The following ERICH1 variants were observed in gnomAD, a reference collection of about 807,000 sequenced individuals.
ERICH1 encodes glutamate-rich protein 1.
ERICH1 carries 56 observed loss-of-function variants against 39.6 expected under a neutral mutation model. That is an observed-to-expected ratio of 1.41 (90% CI 1.14 to 1.77). The LOEUF (loss-of-function observed/expected upper bound fraction) is 1.77. ERICH1 is among the 40% of genes most tolerant of loss of function. The pLI, the probability that ERICH1 is intolerant of heterozygous loss-of-function variation, is 0.00. For synonymous variants in ERICH1, 313 were observed against 223.6 expected (o/e 1.40, Z -3.57); for missense variants, 826 against 575.4 (o/e 1.44, Z -4.45).
At position 652,948 on chromosome 8, in the gene ERICH1, A is replaced by G. The variant is rs566394734; in HGVS notation, c.976+15650T>C. Among the ~76,000 whole-genome samples, 14 of 152,362 alleles carry G rather than the reference A, an allele frequency of 9.2e-5. No individual in the cohort carries two copies. The East Asian group carries it at 2.1e-3, about 23-fold the overall frequency. The stretch of plus-strand genomic sequence containing the variant: ...TATCATATATTTTTACAAACGAGAA[A>G]TAAGTGCTGGAGAGGATGAGGAGGA... On this transcript the variant is annotated intron_variant, in intron 3 of 3. Coordinates refer to the ERICH1 transcript ENST00000522706.
intron 3 of ERICH1, among the ~76,000 whole-genome samples, chr8:685,865 C>G (rs1807216388): frequency 1.3e-5 from 2 of 152,006 alleles, no homozygotes; most frequent in Admixed American, 1.3e-4. Flanking sequence ...CAATAACTGA[C>G]TGGGCACAGT....
chr8:678,000 C>T (rs757007511), intron 3 of ERICH1, among the ~76,000 whole-genome samples: 10 of 152,172 alleles, frequency 6.6e-5, no homozygotes, highest in East Asian at 3.9e-4. Flanking sequence ...CTGTTGAGAT[C>T]GACTGCGCTA....
intron 3 of ERICH1, among the ~76,000 whole-genome samples, chr8:633,247 C>A (rs1407859177): frequency 6.6e-6 from 1 of 152,152 alleles, no homozygotes. Context: ...TTAGAAAACC[C>A]CTCACATTCA....
intron 1 of ERICH1, among the ~76,000 whole-genome samples, chr8:718,152 G>A (rs754015489): frequency 6.6e-6 from 1 of 151,714 alleles, no homozygotes; most frequent in South Asian, 2.1e-4. Context: ...AGATCGGAGC[G>A]CACGGAGAAA....
At chr8:726,322 C>T (rs1185226018) in intron 1 of ERICH1, among the ~76,000 whole-genome samples, 1 of 151,934 alleles carries the variant, frequency 6.6e-6, no homozygotes, top group Admixed American at 6.5e-5. Context: ...CACGCAGACA[C>T]GTGTATGCAG....
intron 2 of ERICH1, among the ~76,000 whole-genome samples, chr8:693,061 G>A (rs929187471): frequency 6.6e-6 from 1 of 151,886 alleles, no homozygotes; most frequent in African/African-American, 2.4e-5. Flanking sequence ...GTGGCTGTGT[G>A]CACACACAGC....
downstream of ERICH1, among the ~76,000 whole-genome samples, chr8:660,619 T>C (rs1364577647): frequency 6.6e-6 from 1 of 152,248 alleles, no homozygotes; most frequent in Non-Finnish European, 1.5e-5. Flanking sequence ...TTCAAGCCAC[T>C]ATGCCTGTGG....
chr8:634,183 A>AACAAACAAAAAACAAAC (rs1554481906), intron 3 of ERICH1, among the ~76,000 whole-genome samples: 10,757 of 134,686 alleles, frequency 0.08, 601 homozygotes, highest in East Asian at 0.23. Context: ...AAAAAAAAAA[A>AACAAACAAAAAACAAAC]AAACAAACAA....
chr8:618,502 G>A (rs561592765), intron 3 of ERICH1, among the ~76,000 whole-genome samples: 3 of 152,348 alleles, frequency 2.0e-5, no homozygotes, highest in African/African-American at 7.2e-5. Flanking sequence ...CCGGAGCAGT[G>A]CATGGCATAA....
At chr8:661,247 G>A (rs560176429), downstream of ERICH1, among the ~76,000 whole-genome samples, 1 of 152,154 alleles carries the variant, frequency 6.6e-6, no homozygotes, top group Admixed American at 6.5e-5. Flanking sequence ...CGGGGCAAGA[G>A]CTGCACAAAA....
At position 635,809 on chromosome 8, in the gene ERICH1, A is replaced by T. The variant is rs192168647; in HGVS notation, c.977-20525T>A. On this transcript the variant is annotated intron_variant, in intron 3 of 3. Coordinates refer to the ERICH1 transcript ENST00000522706. The stretch of plus-strand genomic sequence containing the variant: ...AGTCTGTGGTCCACATGCGTGCTGC[A>T]CCCCACAGCAGGGACGGTTGGCTCA... Among the ~76,000 whole-genome samples the T allele has an allele frequency of 6.0e-4, 91 of 152,260 alleles. 1 individual carries two copies. Among genetic ancestry groups the T allele is most frequent in the African/African-American group, 2.2e-3 (91 of 41,530 alleles).
At chr8:693,525 C>T (rs1340126125) in intron 2 of ERICH1, among the ~76,000 whole-genome samples, 2 of 152,076 alleles carry the variant, frequency 1.3e-5, no homozygotes, top group African/African-American at 2.4e-5. Flanking sequence ...GGAACCTCCC[C>T]GCTGTATGCT....
chr8:701,813 C>T (rs1812213385), intron 2 of ERICH1, among the ~76,000 whole-genome samples: 1 of 152,068 alleles, frequency 6.6e-6, no homozygotes, highest in Admixed American at 6.6e-5. Flanking sequence ...AAAAGGCAGC[C>T]AGGCGCGGTT....
chr8:652,867 A>AG (rs768235273), intron 3 of ERICH1, among the ~76,000 whole-genome samples: 3 of 152,254 alleles, frequency 2.0e-5, no homozygotes, highest in Non-Finnish European at 4.4e-5. Flanking sequence ...ACCACTAATC[A>AG]GCAAGGAAAT....
At chr8:650,341 G>A (rs1455102811) in intron 3 of ERICH1, among the ~76,000 whole-genome samples, 2 of 152,254 alleles carry the variant, frequency 1.3e-5, no homozygotes, top group African/African-American at 4.8e-5. Flanking sequence ...CTCAGGAGAG[G>A]ATGCAGGCAG....
At chr8:716,656 T>C (rs141854035) in intron 1 of ERICH1, among the ~76,000 whole-genome samples, 2 of 152,358 alleles carry the variant, frequency 1.3e-5, no homozygotes, top group African/African-American at 4.8e-5. Flanking sequence ...TGAATAAATA[T>C]TTCTGCCCTG....
intron 4 of ERICH1, among the ~76,000 whole-genome samples, chr8:672,412 C>A (rs901764447): frequency 5.9e-5 from 9 of 152,180 alleles, no homozygotes; most frequent in African/African-American, 2.2e-4. Flanking sequence ...GGTACTTCTG[C>A]ATCTTTGTTA....
intron 2 of ERICH1, among the ~76,000 whole-genome samples, chr8:697,224 G>A (rs891582415): frequency 6.6e-6 from 1 of 152,094 alleles, no homozygotes; most frequent in African/African-American, 2.4e-5. Flanking sequence ...TGAGGCTCCC[G>A]TCCATCCTGA....
At chr8:642,079 G>T (rs1418747311) in intron 3 of ERICH1, among the ~76,000 whole-genome samples, 1 of 152,216 alleles carries the variant, frequency 6.6e-6, no homozygotes, top group Non-Finnish European at 1.5e-5. Context: ...AGATCTTAGG[G>T]AAGGCCCAGA....
Sources: allele counts gnomAD v4.1 joint callset (sites outside exome capture counted in the v4.1 genomes callset), GRCh38; gene constraint gnomAD v4.1.1; transcripts MANE v1.5; gene names NCBI Gene and HGNC (gene_info 2026-07-23, HGNC 2026-07-21).